Variants in LRRIQ1 observed in about 807,000 individuals in gnomAD.
LRRIQ1 encodes leucine rich repeats and IQ motif containing 1.
A neutral mutation model predicts 211.9 loss-of-function variants in LRRIQ1; 210 were observed. The observed-to-expected ratio is 0.99, with a 90% CI of 0.89 to 1.11. LRRIQ1 has a LOEUF of 1.11. LRRIQ1 is among the 50% of genes most tolerant of loss of function. LRRIQ1 has a pLI of 0.00. For missense variants in LRRIQ1, 2,136 were observed against 1,939.5 expected (o/e 1.10, Z -1.90); for synonymous variants, 699 against 650.1 (o/e 1.08, Z -1.14).
chr12:85,247,649 C>A (rs1347211953), downstream of LRRIQ1, among the ~76,000 whole-genome samples: 1 of 151,374 alleles, frequency 6.6e-6, no homozygotes, highest in Non-Finnish European at 1.5e-5. Flanking sequence ...ATACATAAAG[C>A]ATATGATATA....
chr12:85,120,280 T>C (rs1887878029), intron 15 of LRRIQ1, among the ~76,000 whole-genome samples: 1 of 152,230 alleles, frequency 6.6e-6, no homozygotes, highest in African/African-American at 2.4e-5. Context: ...GGACCATTTG[T>C]TGAAAAGACC....
chr12:85,253,164 AGAACCTGCGTCT>A (rs1358407144), intron 1 of LRRIQ1, among the ~76,000 whole-genome samples: 1 of 152,074 alleles, frequency 6.6e-6, no homozygotes, highest in Admixed American at 6.6e-5. Context: ...TTAAAGTTGG[AGAACCTGCGTCT>A]GGGGTCTTGA....
In LRRIQ1 at chr12:85,153,672, T is replaced by C. The variant is rs1325517436; in HGVS notation, c.4551T>C (p.Asn1517=). 3.8e-6 allele frequency: 6 copies of C among 1,580,760 alleles called. No homozygotes were observed. The highest frequency in any genetic ancestry group is 5.1e-6 in the Non-Finnish European group (6 of 1,166,022). ...TTTTTTCTATTGCCAGATCAGAAAA[T>C]AAAACTTCTTCCTGGACACCTGAAT... ...EHTQFNSRSE[N]KTSSWTPESK... The change falls in exon 22 of 27, where the codon AAT becomes AAC. Residue 1517 remains asparagine, a synonymous_variant. Coordinates refer to ENST00000393217, the MANE Select transcript of LRRIQ1 (RefSeq NM_001079910.2).
chr12:85,154,145 T>C (rs185722429), intron 23 of LRRIQ1, 51 bp downstream of exon 23: 3 of 956,190 alleles, frequency 3.1e-6, no homozygotes, highest in Non-Finnish European at 4.5e-6. Context: ...AAATTGAAGA[T>C]AACTTCTTTA....
At chr12:85,128,105 A>G in intron 18 of LRRIQ1, 72 bp downstream of exon 18, 1 of 1,116,716 alleles carries the variant, frequency 9.0e-7, no homozygotes, top group South Asian at 1.4e-5. Flanking sequence ...ATTCTGTATT[A>G]AAAATAACCT....
Position 85,170,181 on chromosome 12 carries a change from CAT to C in LRRIQ1, c.4822+9470_4822+9471del, listed in dbSNP as rs146696845. 0.018 allele frequency among the ~76,000 whole-genome samples: 2,708 copies of C among 151,788 alleles called. 141 individuals are homozygous for C. The East Asian group carries it at 0.2, about 11-fold the overall frequency. ...TAATCCAAATCAGTTATAAATAGCT[CAT>C]ATTTTTTGTATTTCCCCCTAATTCT... is the stretch of plus-strand genomic sequence containing the variant. On this transcript the variant is annotated intron_variant, in intron 24 of 26. Coordinates refer to ENST00000393217, the MANE Select transcript of LRRIQ1 (RefSeq NM_001079910.2).
At chr12:85,090,594 G>C (rs1885281544) in intron 11 of LRRIQ1, among the ~76,000 whole-genome samples, 1 of 152,192 alleles carries the variant, frequency 6.6e-6, no homozygotes, top group Admixed American at 6.5e-5. Flanking sequence ...GCTGGGTTTT[G>C]AATTTGCATG....
intron 14 of LRRIQ1, among the ~76,000 whole-genome samples, chr12:85,106,220 ACTATT>A (rs1486360556): frequency 6.6e-6 from 1 of 152,150 alleles, no homozygotes; most frequent in Non-Finnish European, 1.5e-5. Flanking sequence ...TCTGTCACAA[ACTATT>A]CTAAGTCTTT....
At chr12:85,070,939 T>C (rs897727341) in intron 10 of LRRIQ1, among the ~76,000 whole-genome samples, 3 of 151,986 alleles carry the variant, frequency 2.0e-5, no homozygotes, top group Admixed American at 1.3e-4. Context: ...CAAACAGATA[T>C]GATTAAAATA....
At position 85,233,013 on chromosome 12, in the gene LRRIQ1, A is replaced by G. The variant is rs537594393; in HGVS notation, c.5016+257A>G. The G allele has an allele frequency of 1.6e-3, 542 of 341,896 alleles. 1 individual carries two copies. The highest frequency in any genetic ancestry group is 3.1e-3 in the South Asian group (58 of 18,768). 21.2% of individuals were successfully genotyped at this position (341,896 alleles called of 1,614,324 possible). A position where few individuals can be genotyped will look rare whatever the true frequency, so the allele number is the denominator to read the frequency against. ...TTAGCATCCTACAACTTTAAAATAA[A>G]ATTACTGTGGATGGAAAATTGAAAC... On this transcript the variant is annotated intron_variant, in intron 26 of 26. Coordinates refer to ENST00000393217, the MANE Select transcript of LRRIQ1 (RefSeq NM_001079910.2).
intron 11 of LRRIQ1, among the ~76,000 whole-genome samples, chr12:85,091,189 T>C (rs1034161499): frequency 7.9e-5 from 12 of 152,168 alleles, no homozygotes; most frequent in African/African-American, 2.4e-4. Flanking sequence ...CACCATACTT[T>C]CTGTAAAGCC....
At chr12:85,037,219 C>A (rs936721963) in intron 1 of LRRIQ1, among the ~76,000 whole-genome samples, 1 of 151,914 alleles carries the variant, frequency 6.6e-6, no homozygotes, top group African/African-American at 2.4e-5. Context: ...TTTAAACTTG[C>A]GTAAGTGCTC....
intron 26 of LRRIQ1, among the ~76,000 whole-genome samples, chr12:85,233,584 T>C (rs1895050719): frequency 6.6e-6 from 1 of 152,198 alleles, no homozygotes; most frequent in Admixed American, 6.5e-5. Context: ...AAATGAGTAT[T>C]ATGATTTCCA....
At chr12:85,050,152 T>C (rs1880129013) in intron 6 of LRRIQ1, among the ~76,000 whole-genome samples, 1 of 152,064 alleles carries the variant, frequency 6.6e-6, no homozygotes, top group Non-Finnish European at 1.5e-5. Context: ...AGGGACCTGC[T>C]CCCATGATCC....
intron 24 of LRRIQ1, among the ~76,000 whole-genome samples, chr12:85,199,456 C>T (rs1373308624): frequency 1.3e-5 from 2 of 152,034 alleles, no homozygotes; most frequent in Non-Finnish European, 2.9e-5. Context: ...TATTTGGCCC[C>T]ATTGGTCTGT....
At chr12:85,131,307 C>T (rs1888745036) in intron 18 of LRRIQ1, among the ~76,000 whole-genome samples, 1 of 151,972 alleles carries the variant, frequency 6.6e-6, no homozygotes, top group Admixed American at 6.6e-5. Flanking sequence ...ATTTCATTTT[C>T]CCTTTCTGAT....
chr12:85,113,355 G>A (rs1887322090), intron 15 of LRRIQ1, among the ~76,000 whole-genome samples: 1 of 148,938 alleles, frequency 6.7e-6, no homozygotes, highest in Admixed American at 6.7e-5. Flanking sequence ...GTCCATTTCA[G>A]GTTTGTGTTG....
chr12:85,139,689 G>A (rs1446058802), intron 19 of LRRIQ1, among the ~76,000 whole-genome samples: 2 of 151,382 alleles, frequency 1.3e-5, no homozygotes, highest in Non-Finnish European at 3.0e-5. Flanking sequence ...CTATGAAGAT[G>A]AAGGTGTTGT....
intron 24 of LRRIQ1, among the ~76,000 whole-genome samples, chr12:85,187,071 C>T (rs1892261104): frequency 6.6e-6 from 1 of 151,996 alleles, no homozygotes; most frequent in Admixed American, 6.6e-5. Flanking sequence ...TCAGAACATA[C>T]TATAATTATT....
Sources: allele counts gnomAD v4.1 joint callset (sites outside exome capture counted in the v4.1 genomes callset), GRCh38; gene constraint gnomAD v4.1.1; transcripts MANE v1.5; gene names NCBI Gene and HGNC (gene_info 2026-07-23, HGNC 2026-07-21).